The following ADGRB3 variants were observed in gnomAD, a reference collection of about 807,000 sequenced individuals.
ADGRB3 encodes the protein adhesion G protein-coupled receptor B3, also known as brain-specific angiogenesis inhibitor 3.
In ADGRB3, 37 loss-of-function variants were observed where a neutral mutation model predicts 193.4. That is an observed-to-expected ratio of 0.19 (90% CI 0.15 to 0.25). The LOEUF is 0.25. ADGRB3 is among the 10% of genes least tolerant of loss of function. The probability of loss-of-function intolerance (pLI) is 1.00; values close to 1 mark genes in which losing one functional copy is unlikely to be tolerated. For synonymous variants in ADGRB3, 690 were observed against 644.2 expected, an observed-to-expected ratio of 1.07 and a Z score of -1.08; for missense variants, 1,637 against 1,852.9, an observed-to-expected ratio of 0.88 and a Z score of 2.14.
chr6:69,323,077 A>G (rs1768496422), intron 20 of ADGRB3, among the ~76,000 whole-genome samples: 1 of 152,016 alleles, frequency 6.6e-6, no homozygotes, highest in Non-Finnish European at 1.5e-5. Flanking sequence ...AAATCTCTGT[A>G]CTCAGACATT....
chr6:69,108,388 T>C (rs745655180), intron 17 of ADGRB3, among the ~76,000 whole-genome samples: 5 of 68,570 alleles, frequency 7.3e-5, no homozygotes, highest in East Asian at 0.056. Flanking sequence ...AAGCTTCTTG[T>C]TTTTTTTTTT....
chr6:69,140,265 T>C (rs1375447349), intron 17 of ADGRB3, among the ~76,000 whole-genome samples: 2 of 152,160 alleles, frequency 1.3e-5, no homozygotes, highest in South Asian at 2.1e-4. Flanking sequence ...GTCACTGAAA[T>C]CAGCTTTTCA....
At chr6:69,312,354 C>A (rs1249191943) in intron 20 of ADGRB3, among the ~76,000 whole-genome samples, 1 of 151,638 alleles carries the variant, frequency 6.6e-6, no homozygotes, top group Non-Finnish European at 1.5e-5. Context: ...AGGAGAAAGG[C>A]AGAGTTCATT....
At chr6:69,293,282 T>C (rs1582610475) in intron 20 of ADGRB3, among the ~76,000 whole-genome samples, 1 of 152,162 alleles carries the variant, frequency 6.6e-6, no homozygotes, top group East Asian at 1.9e-4. Flanking sequence ...AACACCCACT[T>C]TCTCTTACTT....
intron 3 of ADGRB3, among the ~76,000 whole-genome samples, chr6:68,823,569 G>C (rs1767786591): frequency 1.3e-5 from 2 of 151,856 alleles, no homozygotes; most frequent in Non-Finnish European, 2.9e-5. Context: ...TTTCTGTCAT[G>C]GATGTTTTTT....
chr6:68,878,906 C>G (rs962323413), intron 3 of ADGRB3, among the ~76,000 whole-genome samples: 1 of 152,108 alleles, frequency 6.6e-6, no homozygotes, highest in African/African-American at 2.4e-5. Flanking sequence ...CAAGGAAACT[C>G]TCATTTTTAA....
At chr6:68,939,134 C>A (rs1355006872) in intron 5 of ADGRB3, among the ~76,000 whole-genome samples, 1 of 152,112 alleles carries the variant, frequency 6.6e-6, no homozygotes, top group African/African-American at 2.4e-5. Context: ...AGCGCTTCTC[C>A]CCCACAGAAC....
chr6:69,100,900 A>AGGAGGAAGGGAAGGAAGGAGGAAGGGAAG (rs1562159498), intron 17 of ADGRB3, among the ~76,000 whole-genome samples: 1 of 41,132 alleles, frequency 2.4e-5, no homozygotes, highest in Admixed American at 2.6e-4. Context: ...GAAGGAAGGA[A>AGGAGGAAGGGAAGGAAGGAGGAAGGGAAG]GAAGCGAGGG....
intron 3 of ADGRB3, among the ~76,000 whole-genome samples, chr6:68,651,681 A>G (rs1027134526): frequency 1.2e-4 from 18 of 152,092 alleles, no homozygotes; most frequent in Non-Finnish European, 2.2e-4. Flanking sequence ...TTAGCAGTGG[A>G]ACCTTTTTTT....
intron 17 of ADGRB3, among the ~76,000 whole-genome samples, chr6:69,130,350 A>G (rs1773972526): frequency 6.6e-6 from 1 of 151,912 alleles, no homozygotes; most frequent in African/African-American, 2.4e-5. Flanking sequence ...AGACTATAGC[A>G]GCTGTATTTC....
At chr6:69,124,075 A>G (rs1773789534) in intron 17 of ADGRB3, among the ~76,000 whole-genome samples, 3 of 141,060 alleles carry the variant, frequency 2.1e-5, no homozygotes, top group South Asian at 5.2e-4. Flanking sequence ...CAACCATGCA[A>G]CATTGCATGA....
Position 69,031,519 on chromosome 6 carries a change from C to CTCTTTCTTTTTCTTTCTTTCTTTCTT in ADGRB3, c.2107+13029_2107+13030insTTCTTTCTTTCTTTCTTTCTTTCTTT, listed in dbSNP as rs1554248704. Among the ~76,000 whole-genome samples, 42 of 21,268 alleles carry CTCTTTCTTTTTCTTTCTTTCTTTCTT rather than the reference C, an allele frequency of 2.0e-3. 1 individual carries two copies. The highest frequency in any genetic ancestry group is 4.9e-3 in the African/African-American group (41 of 8,430). The allele number at this position is 21,268 out of a possible 152,430, so 14.0% of individuals were successfully genotyped here. Reference sequence around the variant, plus strand: ...CACAAACATTTTGAATTTGAGTTGTCTCTTTCTTTCTTTCTTTCTTTCTTT... The same window carrying CTCTTTCTTTTTCTTTCTTTCTTTCTT: ...CACAAACATTTTGAATTTGAGTTGTCTCTTTCTTTTTCTTTCTTTCTTTCTTTCTTTCTTTCTTTCTTTCTTTCTTT... On this transcript the variant is annotated intron_variant, in intron 13 of 31. Coordinates refer to ENST00000370598, the MANE Select transcript of ADGRB3 (RefSeq NM_001704.3).
At chr6:69,300,170 C>A (rs187935473) in intron 20 of ADGRB3, among the ~76,000 whole-genome samples, 41 of 151,854 alleles carry the variant, frequency 2.7e-4, no homozygotes, top group African/African-American at 9.4e-4. Flanking sequence ...TTAACATACA[C>A]AAATTAATAA....
intron 23 of ADGRB3, chr6:69,331,833 A>C (rs932716975): frequency 1.0e-6 from 1 of 985,120 alleles, no homozygotes; most frequent in South Asian, 4.7e-5. Context: ...ACTAGAATCC[A>C]TAGAATACAC....
chr6:69,178,984 T>C (rs1775508170), intron 17 of ADGRB3, among the ~76,000 whole-genome samples: 1 of 152,190 alleles, frequency 6.6e-6, no homozygotes, highest in Admixed American at 6.5e-5. Context: ...TAACTGGATG[T>C]CTACCTCTTA....
intron 15 of ADGRB3, among the ~76,000 whole-genome samples, chr6:69,055,327 A>G (rs1262455157): frequency 2.0e-5 from 3 of 152,062 alleles, no homozygotes; most frequent in African/African-American, 4.8e-5. Flanking sequence ...CTATCATTCT[A>G]TTTTCTGATT....
chr6:69,209,573 A>C (rs1765610385), intron 17 of ADGRB3, among the ~76,000 whole-genome samples: 1 of 152,246 alleles, frequency 6.6e-6, no homozygotes, highest in Non-Finnish European at 1.5e-5. Flanking sequence ...TTGTGGAAGC[A>C]AAAAGCAATT....
In ADGRB3 at chr6:68,887,493, G is replaced by A. The variant is rs545041537; in HGVS notation, c.758-43066G>A. 1.8e-4 allele frequency among the ~76,000 whole-genome samples: 28 copies of A among 152,050 alleles called. No individual in the cohort carries two copies. In the South Asian group the frequency reaches 4.1e-3, roughly 23 times the overall value. On this transcript the variant is annotated intron_variant, in intron 3 of 31. Transcript: ENST00000370598. The stretch of plus-strand genomic sequence containing the variant: ...ACTAATTTCTTAAGTACTATTTTCC[G>A]GTTAGCAGACAACATAACGAGTTTC...
At position 69,170,099 on chromosome 6, in the gene ADGRB3, T is replaced by A. The variant is rs571090466; in HGVS notation, c.2481-63191T>A. ...TTGCATAGATTTTCTTTACTCTTGC[T>A]CTCAAGGGACCCCTGAATGCTAAAA... On this transcript the variant is annotated intron_variant, in intron 17 of 31. Coordinates refer to ENST00000370598, the MANE Select transcript of ADGRB3 (RefSeq NM_001704.3). Among the ~76,000 whole-genome samples, 7 of 152,254 alleles carry A rather than the reference T, an allele frequency of 4.6e-5. No homozygotes were observed. In the South Asian group the frequency reaches 1.4e-3, roughly 32 times the overall value.
Sources: gnomAD v4.1 joint callset for allele counts (sites outside exome capture counted in the v4.1 genomes callset) on GRCh38, gnomAD v4.1.1 for gene constraint, MANE v1.5 for transcripts, NCBI Gene and HGNC (gene_info 2026-07-23, HGNC 2026-07-21) for gene names.